The following MOV10L1 variants were observed in gnomAD, a reference collection of about 807,000 sequenced individuals.
MOV10L1 encodes the protein Mov10 like RNA helicase 1.
Under a neutral mutation model 143.8 loss-of-function variants are expected in MOV10L1, and 110 were observed. The observed-to-expected ratio is 0.76, with a 90% CI of 0.66 to 0.90. The LOEUF is 0.90. MOV10L1 is among the 40% of genes least tolerant of loss of function. The probability of loss-of-function intolerance (pLI) is 0.00; values close to 1 mark genes in which losing one functional copy is unlikely to be tolerated. For missense variants in MOV10L1, 1,406 were observed against 1,526.8 expected, an observed-to-expected ratio of 0.92 and a Z score of 1.32; for synonymous variants, 593 against 581.1, an observed-to-expected ratio of 1.02 and a Z score of -0.29.
Position 50,108,647 on chromosome 22 carries a change from C to G in MOV10L1, c.556-10C>G, listed in dbSNP as rs781494869. 4 of 1,613,816 alleles carry G rather than the reference C, an allele frequency of 2.5e-6. No individual in the cohort carries two copies. The highest frequency in any genetic ancestry group is 3.4e-6 in the Non-Finnish European group (4 of 1,179,822). ...TCTGCTTCCTGTGACGCTCAGCTCT[C>G]TGCTCCCAGGTCTGCATCTCTAGCC... is the stretch of plus-strand genomic sequence containing the variant. On this transcript the variant is annotated splice_polypyrimidine_tract_variant and intron_variant, in intron 4 of 26. Coordinates refer to ENST00000262794, the MANE Select transcript of MOV10L1 (RefSeq NM_018995.3).
intron 3 of MOV10L1, among the ~76,000 whole-genome samples, chr22:50,102,887 C>A (rs930151075): frequency 1.5e-4 from 23 of 151,530 alleles, no homozygotes; most frequent in African/African-American, 4.6e-4. Context: ...GGCGACAGAG[C>A]AAAACTCCTT....
At chr22:50,139,323 G>A (rs2062917309) in intron 15 of MOV10L1, among the ~76,000 whole-genome samples, 1 of 151,948 alleles carries the variant, frequency 6.6e-6, no homozygotes, top group South Asian at 2.1e-4. Context: ...CTCTGTTTGG[G>A]CAAGGATTTT....
At chr22:50,151,913 C>T (rs1197043252) in intron 21 of MOV10L1, among the ~76,000 whole-genome samples, 4 of 152,234 alleles carry the variant, frequency 2.6e-5, no homozygotes, top group Admixed American at 6.5e-5. Flanking sequence ...CTGCACCCTC[C>T]AACCAGAGCG....
intron 3 of MOV10L1, among the ~76,000 whole-genome samples, chr22:50,101,920 G>A (rs17247883): frequency 0.075 from 11,457 of 152,240 alleles, 520 homozygotes; most frequent in South Asian, 0.17. Context: ...GGGGAAAGGC[G>A]CCTATAATCA....
Position 50,153,225 on chromosome 22 carries a change from T to C in MOV10L1, c.3066+7T>C. The C allele has an allele frequency of 6.2e-7, 1 of 1,609,588 alleles. No individual in the cohort carries two copies. Among genetic ancestry groups the C allele is most frequent in the Non-Finnish European group, 8.5e-7 (1 of 1,176,478 alleles). On this transcript the variant is annotated splice_region_variant and intron_variant, in intron 22 of 26. Coordinates refer to ENST00000262794, the MANE Select transcript of MOV10L1 (RefSeq NM_018995.3). ...CATCTTCCATGGTGTGCGGGTGAGTTGTGTCTTGAATCCGTAGGTGACCGT... is the reference window on the plus strand; with the variant it reads ...CATCTTCCATGGTGTGCGGGTGAGTCGTGTCTTGAATCCGTAGGTGACCGT...
chr22:50,108,115 C>A (rs200966266), intron 3 of MOV10L1, 21 bp from the exon 4 acceptor site: 1 of 1,608,938 alleles, frequency 6.2e-7, no homozygotes, highest in Non-Finnish European at 8.5e-7. Context: ...ACTACCATGG[C>A]TTTTTTCCTG....
intron 16 of MOV10L1, 124 bp from the exon 17 acceptor site, chr22:50,142,918 TC>T: frequency 1.3e-6 from 1 of 785,688 alleles, no homozygotes; most frequent in Non-Finnish European, 2.1e-6. Context: ...GAAGAGCTAC[TC>T]CCTGTCTGTG....
chr22:50,161,259 A>T (rs937492194), intron 26 of MOV10L1, 109 bp from the exon 27 acceptor site: 1 of 1,053,764 alleles, frequency 9.5e-7, no homozygotes, highest in East Asian at 2.6e-5. Context: ...ACATAGGCTA[A>T]CAGGGTAAAC....
rs1432176538 is a variant in MOV10L1 at position 50,143,182 on chromosome 22, T to C, written c.2319T>C (p.Gly773=). ...CGTATATTCTCTTTGGACCTCCTGG[T>C]ACTGGAAAGACAGTGACAATAATAG... ...PLPYILFGPP[G]TGKTVTIIEA... is the part of the protein sequence containing the mutation. Residue 773 remains glycine, a synonymous_variant, in exon 17 of 27, where the codon GGT becomes GGC. Transcript: ENST00000262794. The C allele has an allele frequency of 6.2e-6, 10 of 1,614,060 alleles. No individual in the cohort carries two copies. The highest frequency in any genetic ancestry group is 8.5e-6 in the Non-Finnish European group (10 of 1,180,040).
intron 2 of MOV10L1, chr22:50,093,689 T>C (rs1329709547): frequency 6.6e-6 from 1 of 152,160 alleles, no homozygotes; most frequent in Admixed American, 6.5e-5. Context: ...TTAAAATTTT[T>C]TTGTAGAAAT....
Position 50,152,931 on chromosome 22 carries a change from T to G in MOV10L1, c.2893-114T>G. The G allele has an allele frequency of 9.2e-7, 1 of 1,082,102 alleles. No individual in the cohort carries two copies. Among genetic ancestry groups the G allele is most frequent in the East Asian group, 2.4e-5 (1 of 41,388 alleles). 67.0% of individuals were successfully genotyped at this position (1,082,102 alleles called of 1,614,324 possible). ...GACACACAGGGGCGCAGGAGCAGAGTCAGGCTTGGAAGTCAGGCAGGCCTC... is the reference window on the plus strand; with the variant it reads ...GACACACAGGGGCGCAGGAGCAGAGGCAGGCTTGGAAGTCAGGCAGGCCTC... On this transcript the variant is annotated intron_variant, in intron 21 of 26. Coordinates refer to ENST00000262794, the MANE Select transcript of MOV10L1 (RefSeq NM_018995.3). This position sits in a 1 kb window ranked among gnomAD's most constrained non-coding sequence, Gnocchi z 4.4.
chr22:50,141,176 G>T (rs370942122), intron 15 of MOV10L1, among the ~76,000 whole-genome samples: 168 of 151,958 alleles, frequency 1.1e-3, no homozygotes, highest in African/African-American at 3.8e-3. Flanking sequence ...TCAGCCTCCC[G>T]AGTAGCTGGT....
At chr22:50,138,982 G>A (rs905490069) in intron 15 of MOV10L1, among the ~76,000 whole-genome samples, 6 of 151,532 alleles carry the variant, frequency 4.0e-5, no homozygotes, top group African/African-American at 4.9e-5. Flanking sequence ...GATTACAGGC[G>A]TGAGCCACCA....
At chr22:50,093,319 A>G (rs1375315599) in intron 2 of MOV10L1, 3 of 152,190 alleles carry the variant, frequency 2.0e-5, no homozygotes, top group Non-Finnish European at 2.9e-5. Context: ...GAAAATTATT[A>G]TATGAAAGTG....
At chr22:50,091,175 C>G (rs1265902292) in intron 1 of MOV10L1, 1 of 167,790 alleles carries the variant, frequency 6.0e-6, no homozygotes, top group Non-Finnish European at 1.5e-5. Flanking sequence ...ACCTGGAGCA[C>G]TTGCTCCGTG....
Position 50,142,110 on chromosome 22 carries a change from G to A in MOV10L1, c.2100G>A (p.Glu700=). ...GGAAAACAATGACGGACCAAGCTGA[G>A]CATGGAACAGAGGAGAGGCGTGTTG... ...KNRKTMTDQA[E]HGTEERRVGD... The change falls in exon 16 of 27, where the codon GAG becomes GAA. Residue 700 remains glutamate (E), a synonymous_variant. Transcript: ENST00000262794. 1 of 1,612,716 alleles carries A rather than the reference G, an allele frequency of 6.2e-7. No homozygotes were observed. Among genetic ancestry groups the A allele is most frequent in the Non-Finnish European group, 8.5e-7 (1 of 1,179,476 alleles).
chr22:50,114,970 C>T, intron 7 of MOV10L1, 144 bp from the exon 8 acceptor site: 1 of 900,710 alleles, frequency 1.1e-6, no homozygotes, highest in Non-Finnish European at 1.6e-6. Context: ...GTTTTTCCAG[C>T]CACCACCTGA....
intron 1 of MOV10L1, 111 bp downstream of exon 1, chr22:50,090,296 G>C: frequency 2.8e-6 from 4 of 1,452,918 alleles, no homozygotes; most frequent in Non-Finnish European, 3.6e-6. Context: ...GGCAACGCTG[G>C]GCCCGGCCTT....
chr22:50,106,714 T>A (rs1335228550), intron 3 of MOV10L1, among the ~76,000 whole-genome samples: 1 of 149,270 alleles, frequency 6.7e-6, no homozygotes. Flanking sequence ...TTTTTTTTTT[T>A]TTTTTGAGAC....
Sources: allele counts gnomAD v4.1 joint callset (sites outside exome capture counted in the v4.1 genomes callset), GRCh38; gene constraint gnomAD v4.1.1; non-coding constraint Gnocchi (gnomAD v3.1); transcripts MANE v1.5; gene names NCBI Gene and HGNC (gene_info 2026-07-23, HGNC 2026-07-21).